The following DOCK3 variants were observed in gnomAD, a reference collection of about 807,000 sequenced individuals.
DOCK3 encodes the protein dedicator of cytokinesis 3, also known as dedicator of cytokinesis protein 3.
DOCK3 carries 60 observed loss-of-function variants against 265.6 expected under a neutral mutation model. The ratio of observed to expected loss-of-function variants is 0.23; its 90% CI spans 0.18 to 0.28. DOCK3 has a LOEUF of 0.28. Among genes scored for constraint, DOCK3 ranks in the 10% least tolerant of loss-of-function variants. The pLI is 1.00. For synonymous variants in DOCK3, 881 were observed against 938.0 expected, an observed-to-expected ratio of 0.94 and a Z score of 1.11; for missense variants, 1,981 against 2,594.3, an observed-to-expected ratio of 0.76 and a Z score of 5.14.
In DOCK3 at chr3:51,013,913, G is replaced by A. The variant is rs2079049065; in HGVS notation, c.316-50535G>A. Among the ~76,000 whole-genome samples, 3 of 152,190 alleles carry A rather than the reference G, an allele frequency of 2.0e-5. 1 individual carries two copies. The South Asian group carries it at 6.2e-4, about 32-fold the overall frequency. ...CTCCCCCAGCCATGCTTGCTGCCTA[G>A]CAGTTCGATCTGGGATTAGCAGTGA... On this transcript the variant is annotated intron_variant, in intron 5 of 52. Transcript: ENST00000266037.
chr3:51,293,378 A>G (rs11130286), intron 27 of DOCK3, among the ~76,000 whole-genome samples: 124,977 of 152,124 alleles, frequency 0.82, 51,933 homozygotes, highest in Middle Eastern at 0.9. Flanking sequence ...CAATGAAAAA[A>G]GGAGAGTCTC....
chr3:51,186,636 G>A (rs923807254), intron 12 of DOCK3, among the ~76,000 whole-genome samples: 1 of 152,164 alleles, frequency 6.6e-6, no homozygotes, highest in Non-Finnish European at 1.5e-5. Context: ...GGAAAAAGTG[G>A]TTTCGTGGGC....
At position 51,333,116 on chromosome 3, in the gene DOCK3, G is replaced by C. The variant is rs1021005494; in HGVS notation, c.3516-42G>C. On this transcript the variant is annotated intron_variant, in intron 34 of 52. Coordinates refer to ENST00000266037, the MANE Select transcript of DOCK3 (RefSeq NM_004947.5). ...ACTTCACTCTTGTGCCCAGGAGAAG[G>C]CTCATGAATTGTGTTTGCTTTCTCC... 4 of 1,613,782 alleles carry C rather than the reference G, an allele frequency of 2.5e-6. No individual in the cohort carries two copies. In the African/African-American group the frequency reaches 5.3e-5, roughly 22 times the overall value.
At chr3:51,062,188 T>G (rs1003481255) in intron 5 of DOCK3, among the ~76,000 whole-genome samples, 5 of 152,174 alleles carry the variant, frequency 3.3e-5, no homozygotes, top group African/African-American at 1.2e-4. Flanking sequence ...TTAAGTCATA[T>G]CACATCACTC....
Position 51,034,882 on chromosome 3 carries a change from A to G in DOCK3, c.316-29566A>G, listed in dbSNP as rs182679613. 1.5e-3 allele frequency among the ~76,000 whole-genome samples: 232 copies of G among 152,184 alleles called. 2 individuals carry two copies. The highest frequency in any genetic ancestry group is 7.9e-3 in the East Asian group (41 of 5,188). On this transcript the variant is annotated intron_variant, in intron 5 of 52. Transcript: ENST00000266037. The stretch of plus-strand genomic sequence containing the variant: ...AGAATTCTGGGATGATTTCTTTTCT[A>G]ATACATTAAATATGTTATTCCATTG...
chr3:51,352,991 G>T (rs1250627396), intron 40 of DOCK3, among the ~76,000 whole-genome samples: 1 of 152,166 alleles, frequency 6.6e-6, no homozygotes, highest in Non-Finnish European at 1.5e-5. Context: ...TGGGCCATCT[G>T]CCTGCCTCGC....
intron 9 of DOCK3, among the ~76,000 whole-genome samples, chr3:51,100,075 G>A (rs186006180): frequency 1.3e-5 from 2 of 152,152 alleles, no homozygotes; most frequent in East Asian, 1.9e-4. Context: ...CCTTTACAGT[G>A]ACCAGATGAC....
At chr3:51,056,837 G>T (rs375894549) in intron 5 of DOCK3, among the ~76,000 whole-genome samples, 5 of 152,224 alleles carry the variant, frequency 3.3e-5, no homozygotes, top group Admixed American at 3.3e-4. Flanking sequence ...TAAAATAGGG[G>T]AGATCTGGTA....
intron 2 of DOCK3, among the ~76,000 whole-genome samples, chr3:50,794,424 G>T (rs2042655020): frequency 6.6e-6 from 1 of 152,256 alleles, no homozygotes; most frequent in South Asian, 2.1e-4. Flanking sequence ...CCTGTGTTAG[G>T]TGCATATATA....
chr3:51,254,380 G>T (rs1428933972), intron 22 of DOCK3, among the ~76,000 whole-genome samples: 4 of 152,140 alleles, frequency 2.6e-5, no homozygotes, highest in Non-Finnish European at 5.9e-5. Context: ...ATGTCTATTA[G>T]GTCCACTTGG....
chr3:50,866,873 A>G (rs998394552), intron 3 of DOCK3, among the ~76,000 whole-genome samples: 1 of 152,186 alleles, frequency 6.6e-6, no homozygotes, highest in Non-Finnish European at 1.5e-5. Context: ...TGATTCCACC[A>G]GACTTGTTCT....
intron 9 of DOCK3, among the ~76,000 whole-genome samples, chr3:51,103,095 C>T (rs1233225971): frequency 6.6e-6 from 1 of 152,142 alleles, no homozygotes; most frequent in Non-Finnish European, 1.5e-5. Flanking sequence ...TAAATGTCTA[C>T]CTGCTTGTTG....
chr3:50,947,500 C>T (rs1660837966), intron 5 of DOCK3, among the ~76,000 whole-genome samples: 1 of 152,068 alleles, frequency 6.6e-6, no homozygotes, highest in Non-Finnish European at 1.5e-5. Flanking sequence ...TGCGTTAATA[C>T]AATAAGATAG....
chr3:50,725,324 G>A (rs568705812), intron 1 of DOCK3, among the ~76,000 whole-genome samples: 141 of 152,260 alleles, frequency 9.3e-4, no homozygotes, highest in Non-Finnish European at 1.0e-3. Context: ...GGTAAATTAA[G>A]GATGTGTATT....
intron 12 of DOCK3, among the ~76,000 whole-genome samples, chr3:51,199,401 C>T (rs1053085840): frequency 2.0e-5 from 3 of 152,312 alleles, no homozygotes; most frequent in South Asian, 4.1e-4. Flanking sequence ...GCACCTGGCT[C>T]GGAGGGTCCT....
At chr3:50,678,240 C>T (rs1203916443) in intron 1 of DOCK3, among the ~76,000 whole-genome samples, 16 of 152,064 alleles carry the variant, frequency 1.1e-4, no homozygotes, top group Admixed American at 1.0e-3. Context: ...TGTCCCTTTC[C>T]CTCTTAGAGA....
chr3:50,827,064 A>AT (rs2044800850), intron 2 of DOCK3, among the ~76,000 whole-genome samples: 1 of 152,208 alleles, frequency 6.6e-6, no homozygotes, highest in African/African-American at 2.4e-5. Flanking sequence ...TCATTGTGAA[A>AT]TTTCAGAATA....
intron 6 of DOCK3, among the ~76,000 whole-genome samples, chr3:51,066,467 A>G (rs905367691): frequency 3.3e-5 from 5 of 152,212 alleles, no homozygotes; most frequent in African/African-American, 9.6e-5. Flanking sequence ...TGTTATCATT[A>G]GCACTGGATG....
At chr3:50,842,227 TAC>T (rs1435717335) in intron 3 of DOCK3, among the ~76,000 whole-genome samples, 1 of 152,224 alleles carries the variant, frequency 6.6e-6, no homozygotes, top group African/African-American at 2.4e-5. Context: ...GCAGTTATAA[TAC>T]AGTTAGAAAT....
Sources: allele counts gnomAD v4.1 joint callset (sites outside exome capture counted in the v4.1 genomes callset), GRCh38; gene constraint gnomAD v4.1.1; transcripts MANE v1.5; gene names NCBI Gene and HGNC (gene_info 2026-07-23, HGNC 2026-07-21).